Variants in ASB3 observed in about 807,000 individuals in gnomAD.
ASB3 encodes ankyrin repeat and SOCS box containing 3, also known as ankyrin repeat and SOCS box protein 3.
A neutral mutation model predicts 54.5 loss-of-function variants in ASB3; 41 were observed. The ratio of observed to expected loss-of-function variants is 0.75; its 90% CI spans 0.59 to 0.98. ASB3 has a LOEUF of 0.98. Among genes scored for constraint, ASB3 ranks in the 50% least tolerant of loss-of-function variants. The probability of loss-of-function intolerance (pLI) is 0.00; values close to 1 mark genes in which losing one functional copy is unlikely to be tolerated. For missense variants in ASB3, 733 were observed against 620.0 expected, an observed-to-expected ratio of 1.18 and a Z score of -1.94; for synonymous variants, 266 against 221.2, an observed-to-expected ratio of 1.20 and a Z score of -1.80.
chr2:53,722,100 A>G (rs77496443), intron 5 of ASB3, among the ~76,000 whole-genome samples: 16,257 of 152,020 alleles, frequency 0.11, 1,073 homozygotes, highest in Non-Finnish European at 0.15. Context: ...AAATGGATAA[A>G]TCACACAATC....
intron 7 of ASB3, among the ~76,000 whole-genome samples, chr2:53,703,903 T>C (rs1040898778): frequency 1.2e-4 from 19 of 152,196 alleles, no homozygotes; most frequent in Admixed American, 7.2e-4. Flanking sequence ...TTTAAACTTA[T>C]ACCATTAAAC....
intron 9 of ASB3, among the ~76,000 whole-genome samples, chr2:53,674,680 A>G (rs540046593): frequency 6.6e-6 from 1 of 152,064 alleles, no homozygotes; most frequent in Non-Finnish European, 1.5e-5. Flanking sequence ...TGTTTTGCAC[A>G]TCAAATGCAT....
chr2:53,772,324 G>A (rs1410847074), intron 1 of ASB3, among the ~76,000 whole-genome samples: 6 of 152,052 alleles, frequency 3.9e-5, no homozygotes, highest in African/African-American at 1.2e-4. Context: ...ACAGGCGCCC[G>A]CCACCATGTC....
intron 9 of ASB3, among the ~76,000 whole-genome samples, chr2:53,690,529 C>T (rs3770408): frequency 0.19 from 29,591 of 151,956 alleles, 3,229 homozygotes; most frequent in East Asian, 0.45. Context: ...GAAGCTGTAA[C>T]AGCATCCAAG....
chr2:53,723,693 G>T (rs1355648730), intron 5 of ASB3, among the ~76,000 whole-genome samples: 4 of 152,124 alleles, frequency 2.6e-5, no homozygotes, highest in Non-Finnish European at 5.9e-5. Flanking sequence ...CTACTTTAAG[G>T]CTACAGTAAC....
At chr2:53,696,192 C>A (rs1348950834) in intron 8 of ASB3, among the ~76,000 whole-genome samples, 1 of 152,086 alleles carries the variant, frequency 6.6e-6, no homozygotes, top group Non-Finnish European at 1.5e-5. Flanking sequence ...TATAAAGTAA[C>A]CAAAGTTACT....
At chr2:53,720,575 T>A (rs542281028) in intron 5 of ASB3, among the ~76,000 whole-genome samples, 2 of 152,294 alleles carry the variant, frequency 1.3e-5, no homozygotes, top group South Asian at 2.1e-4. Flanking sequence ...ACACCCAACA[T>A]TGAAGCATCC....
intron 1 of ASB3, chr2:53,775,149 A>T (rs1451422146): frequency 6.6e-6 from 1 of 152,606 alleles, no homozygotes; most frequent in African/African-American, 2.4e-5. Context: ...CTATATGGAA[A>T]ATAACTCACT....
rs565186466 is a variant in ASB3, at chr2:53,751,088, A to T, written c.197-147T>A. 7.6e-6 allele frequency: 8 copies of T among 1,047,798 alleles called. No individual in the cohort carries two copies. The South Asian group carries it at 3.2e-4, about 42-fold the overall frequency. 64.9% of individuals were successfully genotyped at this position (1,047,798 alleles called of 1,614,324 possible). ...GTTTCACCATTTAAAACTATAGAAA[A>T]TCAAGAAAAAGTTCTACAGAGATCC... On this transcript the variant is annotated intron_variant, in intron 2 of 9. Transcript: ENST00000263634.
At chr2:53,778,742 T>C (rs1007906022) in intron 1 of ASB3, among the ~76,000 whole-genome samples, 1 of 152,246 alleles carries the variant, frequency 6.6e-6, no homozygotes, top group African/African-American at 2.4e-5. Context: ...CTGAATAGTA[T>C]TCCACTACGT....
Position 53,706,597 on chromosome 2 carries a change from C to T in ASB3, c.981-6069G>A, listed in dbSNP as rs533784123. ...AGTAGTTGGGACTATAGGCACGTGC[C>T]GCCACGCCTGACTAATTTTTTGTAT... is the stretch of plus-strand genomic sequence containing the variant. On this transcript the variant is annotated intron_variant, in intron 7 of 9. Coordinates refer to ENST00000263634, the MANE Select transcript of ASB3 (RefSeq NM_016115.5). 8.5e-5 allele frequency among the ~76,000 whole-genome samples: 13 copies of T among 152,144 alleles called. No homozygotes were observed. The South Asian group carries it at 1.0e-3, about 12-fold the overall frequency.
chr2:53,780,931 A>T (rs1407721784), intron 1 of ASB3, among the ~76,000 whole-genome samples: 1 of 152,222 alleles, frequency 6.6e-6, no homozygotes, highest in Non-Finnish European at 1.5e-5. Flanking sequence ...CACTAACTAT[A>T]TGCTAGATTC....
At chr2:53,753,218 G>T (rs775998065) in intron 2 of ASB3, among the ~76,000 whole-genome samples, 1 of 152,174 alleles carries the variant, frequency 6.6e-6, no homozygotes, top group Non-Finnish European at 1.5e-5. Flanking sequence ...ACTGAAAACT[G>T]TAAGACTAAA....
chr2:53,769,419 A>T lies in ASB3; in HGVS notation c.-13-3834T>A, dbSNP rs17045212. ...GTATTAAATATTTATGTATGTGGCTATAACAACATACTTTACTAGTCTTGA... is the reference window on the plus strand; with the variant it reads ...GTATTAAATATTTATGTATGTGGCTTTAACAACATACTTTACTAGTCTTGA... On this transcript the variant is annotated intron_variant, in intron 1 of 9. Transcript: ENST00000263634. 1.2e-3 allele frequency among the ~76,000 whole-genome samples: 178 copies of T among 152,394 alleles called. 2 individuals are homozygous for T. In the East Asian group the frequency reaches 0.02, roughly 17 times the overall value.
chr2:53,701,323 C>A (rs1050300856), intron 7 of ASB3, among the ~76,000 whole-genome samples: 1 of 152,052 alleles, frequency 6.6e-6, no homozygotes, highest in Admixed American at 6.5e-5. Context: ...ATTTAATTTA[C>A]AATACTACAT....
At chr2:53,749,737 A>G (rs1672416219) in intron 3 of ASB3, among the ~76,000 whole-genome samples, 2 of 152,094 alleles carry the variant, frequency 1.3e-5, no homozygotes, top group Non-Finnish European at 2.9e-5. Flanking sequence ...TAATTCATAT[A>G]TATGAACAGA....
intron 5 of ASB3, among the ~76,000 whole-genome samples, chr2:53,723,616 A>C (rs1350526060): frequency 2.0e-5 from 3 of 152,230 alleles, no homozygotes. Context: ...AAAAGGGCAC[A>C]AATAGCCAAA....
intron 9 of ASB3, among the ~76,000 whole-genome samples, chr2:53,678,827 A>AT (rs1412609371): frequency 6.6e-6 from 1 of 152,138 alleles, no homozygotes; most frequent in Non-Finnish European, 1.5e-5. Context: ...TGAAAATACA[A>AT]TCTTCTCATT....
chr2:53,760,070 G>C lies in ASB3; in HGVS notation c.196+5307C>G, dbSNP rs1395243625. Among the ~76,000 whole-genome samples the C allele has an allele frequency of 2.6e-5, 4 of 152,204 alleles. No homozygotes were observed. The East Asian group carries it at 7.7e-4, about 29-fold the overall frequency. On this transcript the variant is annotated intron_variant, in intron 2 of 9. Coordinates refer to ENST00000263634, the MANE Select transcript of ASB3 (RefSeq NM_016115.5). ...ATATACTTCTCCCAGCCACTAAGTT[G>C]TGACTGGCGAACTTTACTCTTTTCA...
Sources: gnomAD v4.1 joint callset for allele counts (sites outside exome capture counted in the v4.1 genomes callset) on GRCh38, gnomAD v4.1.1 for gene constraint, MANE v1.5 for transcripts, NCBI Gene and HGNC (gene_info 2026-07-23, HGNC 2026-07-21) for gene names.